ARHGAP17: variants seen among roughly 807,000 people sequenced by gnomAD.
ARHGAP17 encodes Rho GTPase activating protein 17, also known as rho GTPase-activating protein 17.
ARHGAP17 carries 57 observed loss-of-function variants against 99.5 expected under a neutral mutation model. The observed-to-expected ratio is 0.57, with a 90% CI of 0.46 to 0.71. The LOEUF (loss-of-function observed/expected upper bound fraction) is 0.71, where lower values mean the gene tolerates loss of function less well. Among genes scored for constraint, ARHGAP17 ranks in the 30% least tolerant of loss-of-function variants. The probability of loss-of-function intolerance (pLI) is 0.00; values close to 1 mark genes in which losing one functional copy is unlikely to be tolerated. For missense variants in ARHGAP17, 1,000 were observed against 1,122.4 expected, an observed-to-expected ratio of 0.89 and a Z score of 1.56; for synonymous variants, 417 against 429.6, an observed-to-expected ratio of 0.97 and a Z score of 0.36.
intron 1 of ARHGAP17, among the ~76,000 whole-genome samples, chr16:24,999,199 T>C (rs1218189513): frequency 6.6e-6 from 1 of 152,212 alleles, no homozygotes; most frequent in Non-Finnish European, 1.5e-5. Context: ...TCATCGGTAT[T>C]TCATCTGAGA....
At chr16:24,928,760 A>T (rs561213054) in intron 19 of ARHGAP17, among the ~76,000 whole-genome samples, 1 of 152,330 alleles carries the variant, frequency 6.6e-6, no homozygotes, top group East Asian at 1.9e-4. Flanking sequence ...TGAGGGCCTT[A>T]TGCTGTCCAC....
intron 3 of ARHGAP17, among the ~76,000 whole-genome samples, chr16:24,971,379 G>C (rs1314984736): frequency 1.4e-5 from 2 of 147,262 alleles, no homozygotes; most frequent in Non-Finnish European, 3.0e-5. Context: ...ACCTAGGCTA[G>C]AGTGTAGTGG....
At chr16:24,979,106 G>T in intron 1 of ARHGAP17, 101 bp from the exon 2 acceptor site, 1 of 854,690 alleles carries the variant, frequency 1.2e-6, no homozygotes, top group Non-Finnish European at 1.8e-6. Flanking sequence ...AAAACAGGCA[G>T]AAATAAATTT....
At chr16:24,948,227 G>A (rs1302848988) in intron 13 of ARHGAP17, among the ~76,000 whole-genome samples, 6 of 152,170 alleles carry the variant, frequency 3.9e-5, no homozygotes, top group African/African-American at 7.2e-5. Flanking sequence ...AAGGTAAGGG[G>A]GAGAATGACG....
intron 18 of ARHGAP17, among the ~76,000 whole-genome samples, chr16:24,934,134 T>C (rs115027774): frequency 0.016 from 2,497 of 152,332 alleles, 55 homozygotes; most frequent in African/African-American, 0.055. Flanking sequence ...ACCATGCTTC[T>C]ATAGACAGAC....
intron 3 of ARHGAP17, among the ~76,000 whole-genome samples, chr16:24,976,069 G>A (rs942387810): frequency 1.3e-5 from 2 of 152,098 alleles, no homozygotes; most frequent in East Asian, 1.9e-4. Flanking sequence ...TAAACCAATC[G>A]GCACATCCCA....
intron 1 of ARHGAP17, among the ~76,000 whole-genome samples, chr16:24,992,960 C>T (rs1415486402): frequency 6.6e-6 from 1 of 152,166 alleles, no homozygotes; most frequent in South Asian, 2.1e-4. Flanking sequence ...CCACCACACT[C>T]ATCTAATTTT....
Position 24,975,060 on chromosome 16 carries a change from G to A in ARHGAP17, c.198+2155C>T, listed in dbSNP as rs569755950. Reference sequence around the variant, plus strand: ...TCCCAGCTACTTAAAGGTTGAGGTCGAAGGATGGCTTGAGCCCAGGAGGTT... The same window carrying A: ...TCCCAGCTACTTAAAGGTTGAGGTCAAAGGATGGCTTGAGCCCAGGAGGTT... On this transcript the variant is annotated intron_variant, in intron 3 of 19. Coordinates refer to ENST00000289968, the MANE Select transcript of ARHGAP17 (RefSeq NM_001006634.3). 2.0e-4 allele frequency among the ~76,000 whole-genome samples: 31 copies of A among 152,334 alleles called. 1 individual carries two copies. In the East Asian group the frequency reaches 2.1e-3, roughly 10 times the overall value.
chr16:24,931,182 G>A lies in ARHGAP17; in HGVS notation c.2117C>T (p.Ser706Phe), dbSNP rs370240132. 1.3e-6 allele frequency: 2 copies of A among 1,588,834 alleles called. No homozygotes were observed. The highest frequency in any genetic ancestry group is 2.7e-5 in the African/African-American group (2 of 74,258). The change falls in exon 19 of 20, where the codon TCT becomes TTT. Residue 706 changes from serine to phenylalanine, a missense_variant. Physicochemically the swap from Ser to Phe is radical, Grantham distance 155. Around this residue, in one of 2 missense-constraint regions of ARHGAP17, gnomAD observed 528 missense variants for 511.4 expected, o/e 1.03. Coordinates refer to ENST00000289968, the MANE Select transcript of ARHGAP17 (RefSeq NM_001006634.3). Reference protein sequence around the residue: ...SAPRRYSSSLSPIQAPNHPPP... With the variant: ...SAPRRYSSSLFPIQAPNHPPP... The stretch of plus-strand genomic sequence containing the variant: ...TGGGTGATTGGGAGCTTGGATTGGA[G>A]ACAAGCTGCTGGAGTACCTCCGGGG...
chr16:25,015,189 G>C lies in ARHGAP17; in HGVS notation c.53+20C>G, dbSNP rs2053754395. ...CGCCCCCAGCCCCGGTGCGACCCCC[G>C]TGCTGCCCGGCGCACTCGCCTGCCC... is the stretch of plus-strand genomic sequence containing the variant. On this transcript the variant is annotated intron_variant, in intron 1 of 19. Transcript: ENST00000289968. 2.3e-6 allele frequency: 3 copies of C among 1,294,294 alleles called. No homozygotes were observed. The highest frequency in any genetic ancestry group is 3.0e-6 in the Non-Finnish European group (3 of 1,015,824). The allele number at this position is 1,294,294 out of a possible 1,614,324, so 80.2% of individuals were successfully genotyped here. A position where few individuals can be genotyped will look rare whatever the true frequency, so the allele number is the denominator to read the frequency against.
intron 19 of ARHGAP17, chr16:24,920,768 A>T (rs2050700301): frequency 6.5e-6 from 1 of 153,486 alleles, no homozygotes; most frequent in Non-Finnish European, 1.4e-5. Flanking sequence ...TGCCAGTGAC[A>T]TGCAGCCTCC....
At chr16:25,015,142 C>G in intron 1 of ARHGAP17, 67 bp downstream of exon 1, 2 of 1,200,588 alleles carry the variant, frequency 1.7e-6, no homozygotes, top group African/African-American at 1.7e-5. Flanking sequence ...GGAGCCGTCC[C>G]GCCCCCGCGC....
chr16:24,945,802 T>G (rs2051455012), intron 14 of ARHGAP17, among the ~76,000 whole-genome samples: 1 of 152,196 alleles, frequency 6.6e-6, no homozygotes, highest in South Asian at 2.1e-4. Context: ...TTCCCATTTT[T>G]CTTTTAGGAG....
chr16:24,991,450 G>A (rs2053038518), intron 1 of ARHGAP17, among the ~76,000 whole-genome samples: 1 of 152,156 alleles, frequency 6.6e-6, no homozygotes. Context: ...CTCTCTGGAA[G>A]AAGTCACAGT....
intron 1 of ARHGAP17, among the ~76,000 whole-genome samples, chr16:25,006,287 A>T (rs1490728524): frequency 1.4e-5 from 2 of 145,614 alleles, no homozygotes; most frequent in African/African-American, 5.0e-5. Flanking sequence ...CTAAAAATTA[A>T]AAAAAAAAAA....
intron 12 of ARHGAP17, among the ~76,000 whole-genome samples, chr16:24,950,746 G>T (rs756147017): frequency 4.0e-5 from 6 of 150,596 alleles, no homozygotes; most frequent in Non-Finnish European, 7.4e-5. Flanking sequence ...CTGAGGCAGG[G>T]GAATTGCTTG....
intron 3 of ARHGAP17, among the ~76,000 whole-genome samples, chr16:24,972,082 T>C (rs1204016695): frequency 2.6e-5 from 4 of 152,204 alleles, no homozygotes; most frequent in Non-Finnish European, 1.5e-5. Flanking sequence ...AAACACAGGG[T>C]CCACCCCTGA....
chr16:24,955,537 G>A lies in ARHGAP17; in HGVS notation c.725-807C>T, dbSNP rs1254488452. The A allele has an allele frequency of 6.6e-6, 1 of 152,250 alleles. No individual in the cohort carries two copies. The highest frequency in any genetic ancestry group is 2.4e-5 in the African/African-American group (1 of 41,466). The allele number at this position is 152,250 out of a possible 1,614,324, so 9.4% of individuals were successfully genotyped here. ...GGTTGAATTTGGCCTGCCTGTGCAA[G>A]CTGCAGAGATCTAGTGCTATCTGAG... is the stretch of plus-strand genomic sequence containing the variant. On this transcript the variant is annotated intron_variant, in intron 9 of 19. Transcript: ENST00000289968. The surrounding 1 kb of genome is among the most constrained non-coding windows in gnomAD (Gnocchi z 4.0).
At chr16:24,936,070 T>G (rs1406286865) in intron 17 of ARHGAP17, 1 of 299,744 alleles carries the variant, frequency 3.3e-6, no homozygotes, top group African/African-American at 2.2e-5. Flanking sequence ...TCTACTGCGT[T>G]TGGACTTAAA....
Sources: gnomAD v4.1 joint callset for allele counts (sites outside exome capture counted in the v4.1 genomes callset) on GRCh38, gnomAD v4.1.1 for gene constraint, gnomAD v4.1.1 regional missense constraint, Gnocchi (gnomAD v3.1) non-coding constraint, MANE v1.5 for transcripts, NCBI Gene and HGNC (gene_info 2026-07-23, HGNC 2026-07-21) for gene names.